The following NTM variants were observed in gnomAD, a reference collection of about 807,000 sequenced individuals.
The protein encoded by NTM is IgLON family member 2.
In NTM, 13 loss-of-function variants were observed where a neutral mutation model predicts 42.1. The ratio of observed to expected loss-of-function variants is 0.31; its 90% CI spans 0.20 to 0.49. The LOEUF is 0.49. Among genes scored for constraint, NTM ranks in the 20% least tolerant of loss-of-function variants. NTM has a pLI of 0.99. For synonymous variants in NTM, 187 were observed against 179.2 expected (o/e 1.04, Z -0.35); for missense variants, 373 against 452.8 (o/e 0.82, Z 1.60).
At chr11:132,048,519 T>C (rs1016502648) in intron 2 of NTM, among the ~76,000 whole-genome samples, 1 of 152,214 alleles carries the variant, frequency 6.6e-6, no homozygotes, top group Non-Finnish European at 1.5e-5. Flanking sequence ...GAACAGATTC[T>C]TCTCACCCTT....
chr11:132,067,737 C>A (rs916526703), intron 2 of NTM, among the ~76,000 whole-genome samples: 2 of 152,212 alleles, frequency 1.3e-5, no homozygotes, highest in Non-Finnish European at 2.9e-5. Context: ...CATAGCTCTG[C>A]CTTCTGGCCT....
chr11:132,222,262 C>A (rs1255618086), intron 4 of NTM, among the ~76,000 whole-genome samples: 1 of 152,192 alleles, frequency 6.6e-6, no homozygotes, highest in East Asian at 1.9e-4. Flanking sequence ...TCTCTTCCAC[C>A]TGGATGGCCG....
chr11:131,987,691 A>G (rs7939190), intron 2 of NTM, among the ~76,000 whole-genome samples: 48,952 of 152,082 alleles, frequency 0.32, 10,106 homozygotes, highest in African/African-American at 0.58. Context: ...CATCATTTCA[A>G]GCAATATTAC....
At chr11:132,028,245 GTTTT>G (rs200489405) in intron 2 of NTM, among the ~76,000 whole-genome samples, 1 of 132,196 alleles carries the variant, frequency 7.6e-6, no homozygotes. Flanking sequence ...CTTCCAGCTG[GTTTT>G]TTTTTTTTTT....
At chr11:132,217,358 CTGTGTGTG>C (rs375759515) in intron 4 of NTM, among the ~76,000 whole-genome samples, 47 of 142,744 alleles carry the variant, frequency 3.3e-4, no homozygotes, top group South Asian at 1.2e-3. Context: ...CTCTCTCTTT[CTGTGTGTG>C]TGTGTGTGTG....
intron 1 of NTM, among the ~76,000 whole-genome samples, chr11:131,465,298 T>A (rs1443213569): frequency 6.6e-6 from 1 of 152,142 alleles, no homozygotes; most frequent in African/African-American, 2.4e-5. Flanking sequence ...TCCTCTAGGA[T>A]GGTTGGCCCC....
intron 2 of NTM, among the ~76,000 whole-genome samples, chr11:131,942,810 G>A (rs906752026): frequency 6.6e-6 from 1 of 152,030 alleles, no homozygotes; most frequent in Non-Finnish European, 1.5e-5. Context: ...GCTGGGCATG[G>A]TGACACGTGT....
intron 1 of NTM, among the ~76,000 whole-genome samples, chr11:131,612,848 C>A (rs1340927283): frequency 6.6e-6 from 1 of 152,208 alleles, no homozygotes; most frequent in Non-Finnish European, 1.5e-5. Flanking sequence ...AGCCTGTCCC[C>A]AAATCCCTAC....
chr11:131,680,725 T>G (rs62647626), intron 1 of NTM, among the ~76,000 whole-genome samples: 44 of 9,350 alleles, frequency 4.7e-3, no homozygotes, highest in African/African-American at 0.01. Flanking sequence ...GTGCATATGT[T>G]TGCATAGGCA....
chr11:131,431,830 C>G (rs1034867127), intron 1 of NTM, among the ~76,000 whole-genome samples: 1 of 152,134 alleles, frequency 6.6e-6, no homozygotes, highest in Admixed American at 6.5e-5. Flanking sequence ...GTTATCCCAA[C>G]CCAGCTCCCA....
At chr11:131,482,766 G>C (rs1953744557) in intron 1 of NTM, among the ~76,000 whole-genome samples, 1 of 152,196 alleles carries the variant, frequency 6.6e-6, no homozygotes, top group East Asian at 1.9e-4. Context: ...TGGATAGACA[G>C]AGACAGAACT....
intron 1 of NTM, among the ~76,000 whole-genome samples, chr11:131,531,315 G>C (rs60377322): frequency 2.0e-5 from 3 of 151,928 alleles, no homozygotes; most frequent in Non-Finnish European, 4.4e-5. Flanking sequence ...ATTTTTTTTG[G>C]GGGGGAGGTG....
At chr11:131,521,255 C>A (rs548022654) in intron 1 of NTM, among the ~76,000 whole-genome samples, 29 of 150,514 alleles carry the variant, frequency 1.9e-4, no homozygotes, top group African/African-American at 6.1e-4. Flanking sequence ...GTGGAGGTTG[C>A]AGTGAGCCAA....
chr11:132,301,550 A>C (rs966906133), intron 4 of NTM, among the ~76,000 whole-genome samples: 2 of 152,186 alleles, frequency 1.3e-5, no homozygotes, highest in Non-Finnish European at 2.9e-5. Context: ...CCAGCATCTG[A>C]GCAAAACCAT....
At chr11:131,615,607 T>C (rs1487252752) in intron 1 of NTM, among the ~76,000 whole-genome samples, 1 of 152,152 alleles carries the variant, frequency 6.6e-6, no homozygotes, top group Non-Finnish European at 1.5e-5. Context: ...TGACCTCAAG[T>C]GATCCACCCT....
chr11:132,329,196 A>C (rs907309403), intron 7 of NTM, among the ~76,000 whole-genome samples: 1 of 152,210 alleles, frequency 6.6e-6, no homozygotes, highest in Non-Finnish European at 1.5e-5. Context: ...TGCACAGAGA[A>C]CACAGACTCC....
chr11:131,973,277 C>G (rs2063824824), intron 2 of NTM, among the ~76,000 whole-genome samples: 1 of 152,320 alleles, frequency 6.6e-6, no homozygotes, highest in African/African-American at 2.4e-5. Flanking sequence ...AAGTTGAGCA[C>G]AAGATTCTGC....
intron 2 of NTM, among the ~76,000 whole-genome samples, chr11:132,032,630 C>T (rs1193324476): frequency 6.6e-6 from 1 of 152,150 alleles, no homozygotes; most frequent in Non-Finnish European, 1.5e-5. Flanking sequence ...AATCCCTACT[C>T]CAACATCTGT....
intron 1 of NTM, among the ~76,000 whole-genome samples, chr11:131,380,438 T>C (rs949088777): frequency 6.6e-6 from 1 of 152,092 alleles, no homozygotes; most frequent in African/African-American, 2.4e-5. Flanking sequence ...CTTGAACTCC[T>C]GACATCAGGT....
Sources: allele counts gnomAD v4.1 joint callset (sites outside exome capture counted in the v4.1 genomes callset), GRCh38; gene constraint gnomAD v4.1.1; transcripts MANE v1.5; gene names NCBI Gene and HGNC (gene_info 2026-07-23, HGNC 2026-07-21).